RSBN1L: variants seen among roughly 807,000 people sequenced by gnomAD.
The protein encoded by RSBN1L is round spermatid basic protein 1 like, also known as lysine-specific demethylase RSBN1L.
In RSBN1L, 30 loss-of-function variants were observed where a neutral mutation model predicts 67.7. The ratio of observed to expected loss-of-function variants is 0.44; its 90% CI spans 0.33 to 0.60. The LOEUF is 0.60. Among genes scored for constraint, RSBN1L ranks in the 20% least tolerant of loss-of-function variants. The pLI is 0.02. For synonymous variants in RSBN1L, 433 were observed against 387.0 expected (o/e 1.12, Z -1.39); for missense variants, 992 against 1,031.7 (o/e 0.96, Z 0.53).
chr7:77,734,089 G>A (rs1228396809), intron 1 of RSBN1L, among the ~76,000 whole-genome samples: 2 of 152,148 alleles, frequency 1.3e-5, no homozygotes. Flanking sequence ...TCGTGCCACT[G>A]CACTCCAGCC....
chr7:77,696,815 G>T lies in RSBN1L; in HGVS notation c.346G>T (p.Ala116Ser). The T allele has an allele frequency of 6.2e-7, 1 of 1,613,632 alleles. No individual in the cohort carries two copies. Among genetic ancestry groups the T allele is most frequent in the Non-Finnish European group, 8.5e-7 (1 of 1,179,986 alleles). Reference protein sequence around the residue: ...FSAGTAVPSSASASLSQPVPR... With the variant: ...FSAGTAVPSSSSASLSQPVPR... ...CGCTGGCACGGCCGTTCCCTCCTCA[G>T]CCTCCGCTTCCTTGTCTCAGCCGGT... is the stretch of plus-strand genomic sequence containing the variant. Residue 116 changes from alanine (A) to serine (S), a missense_variant, in exon 1 of 8, where the codon GCC becomes TCC. Physicochemically the swap from Ala to Ser is moderately conservative, Grantham distance 99 (BLOSUM62 1). This residue lies in a region of RSBN1L where 575 missense variants were observed against 483.2 expected (regional missense o/e 1.19). Coordinates refer to ENST00000334955, the MANE Select transcript of RSBN1L (RefSeq NM_198467.3).
chr7:77,747,890 G>A (rs1004757553), intron 2 of RSBN1L, among the ~76,000 whole-genome samples: 7 of 151,192 alleles, frequency 4.6e-5, no homozygotes, highest in Non-Finnish European at 8.8e-5. Flanking sequence ...GAAGCATGAT[G>A]CTGGCATCTG....
intron 1 of RSBN1L, among the ~76,000 whole-genome samples, chr7:77,731,879 T>A (rs1562799761): frequency 1.3e-5 from 2 of 152,088 alleles, no homozygotes; most frequent in Non-Finnish European, 1.5e-5. Flanking sequence ...ATCCAGTTGT[T>A]CCAGTACCGT....
chr7:77,735,054 G>GAA (rs746643977), intron 1 of RSBN1L, among the ~76,000 whole-genome samples: 1 of 138,912 alleles, frequency 7.2e-6, no homozygotes, highest in African/African-American at 2.6e-5. Context: ...GTTATCACTT[G>GAA]AAAAAAAAAA....
At chr7:77,722,102 T>G (rs1195693218) in intron 1 of RSBN1L, among the ~76,000 whole-genome samples, 1 of 152,202 alleles carries the variant, frequency 6.6e-6, no homozygotes, top group African/African-American at 2.4e-5. Context: ...TGTATTTGGA[T>G]GTTGGATGAG....
intron 1 of RSBN1L, among the ~76,000 whole-genome samples, chr7:77,710,205 A>G (rs1056781015): frequency 2.0e-5 from 3 of 152,174 alleles, no homozygotes; most frequent in Admixed American, 6.6e-5. Context: ...TCTTCATGCT[A>G]TATAGTCAGA....
intron 1 of RSBN1L, among the ~76,000 whole-genome samples, chr7:77,732,744 A>G (rs1038342948): frequency 1.3e-5 from 2 of 152,224 alleles, no homozygotes; most frequent in African/African-American, 4.8e-5. Context: ...GATTATGGAT[A>G]CCAATATTAT....
chr7:77,716,770 T>A (rs144074825), intron 1 of RSBN1L, among the ~76,000 whole-genome samples: 4 of 151,662 alleles, frequency 2.6e-5, no homozygotes, highest in African/African-American at 9.7e-5. Context: ...TAGCTGGGAT[T>A]ACAGGCGTGC....
intron 1 of RSBN1L, among the ~76,000 whole-genome samples, chr7:77,721,507 A>T (rs1791119452): frequency 6.6e-6 from 1 of 152,158 alleles, no homozygotes; most frequent in South Asian, 2.1e-4. Flanking sequence ...GGATATGATC[A>T]TTTGTGATCA....
At position 77,782,304 on chromosome 7, in the gene RSBN1L, T is replaced by C. The variant is rs1449359711; in HGVS notation, c.*3136T>C. ...AAGACATCGTTTCTATATGGTCATA[T>C]ACTATATAGAATAAAGAATTGTTAT... On this transcript the variant is annotated 3_prime_UTR_variant, in exon 8 of 8. Coordinates refer to ENST00000334955, the MANE Select transcript of RSBN1L (RefSeq NM_198467.3). 6.6e-6 allele frequency: 1 copy of C among 152,226 alleles called. No individual in the cohort carries two copies. Among genetic ancestry groups the C allele is most frequent in the East Asian group, 1.9e-4 (1 of 5,204 alleles). 9.4% of individuals were successfully genotyped at this position (152,226 alleles called of 1,614,324 possible).
chr7:77,766,469 G>A (rs935012353), intron 4 of RSBN1L, among the ~76,000 whole-genome samples: 4 of 151,698 alleles, frequency 2.6e-5, no homozygotes, highest in African/African-American at 4.8e-5. Flanking sequence ...ACAGGTGTGA[G>A]CCACTGTGCC....
chr7:77,735,435 A>G (rs945849814), intron 1 of RSBN1L, among the ~76,000 whole-genome samples: 3 of 152,334 alleles, frequency 2.0e-5, no homozygotes, highest in South Asian at 4.1e-4. Flanking sequence ...TTGTTTACCA[A>G]TTCAGATTTA....
chr7:77,778,316 G>C (rs768451475), intron 6 of RSBN1L, 22 bp from the exon 7 acceptor site: 2 of 1,528,176 alleles, frequency 1.3e-6, no homozygotes, highest in Non-Finnish European at 1.8e-6. Flanking sequence ...GCAGATTCTT[G>C]TTATCTCGTT....
At chr7:77,726,307 C>T (rs1357114671) in intron 1 of RSBN1L, among the ~76,000 whole-genome samples, 1 of 152,150 alleles carries the variant, frequency 6.6e-6, no homozygotes, top group East Asian at 1.9e-4. Context: ...TACTGTATTA[C>T]ATTTAATCAT....
chr7:77,716,456 C>CG (rs1554337603), intron 1 of RSBN1L, among the ~76,000 whole-genome samples: 1 of 140,396 alleles, frequency 7.1e-6, no homozygotes, highest in Non-Finnish European at 1.5e-5. Flanking sequence ...TGTCTGGCTC[C>CG]TTTTTTTTTT....
intron 1 of RSBN1L, among the ~76,000 whole-genome samples, chr7:77,707,150 A>G (rs1325546017): frequency 6.6e-6 from 1 of 151,884 alleles, no homozygotes; most frequent in Non-Finnish European, 1.5e-5. Context: ...CAGCCACCCA[A>G]GTAGCTGGAC....
At chr7:77,763,687 G>T (rs1791725130) in intron 3 of RSBN1L, among the ~76,000 whole-genome samples, 2 of 152,170 alleles carry the variant, frequency 1.3e-5, no homozygotes, top group South Asian at 4.1e-4. Flanking sequence ...AGCCCCAGCT[G>T]TTCTTATATT....
rs1013875917 is a variant in RSBN1L at position 77,705,750 on chromosome 7, G to T, written c.586+8695G>T. ...TGGTCTTGAACTCCTGACCTCAGGT[G>T]TTCTGCCTGCCTCGGTCTCACGATT... On this transcript the variant is annotated intron_variant, in intron 1 of 7. Coordinates refer to ENST00000334955, the MANE Select transcript of RSBN1L (RefSeq NM_198467.3). Among the ~76,000 whole-genome samples the T allele has an allele frequency of 6.6e-5, 10 of 152,004 alleles. No homozygotes were observed. In the South Asian group the frequency reaches 1.0e-3, roughly 16 times the overall value.
At chr7:77,753,358 G>A (rs974482859) in intron 3 of RSBN1L, among the ~76,000 whole-genome samples, 1 of 152,108 alleles carries the variant, frequency 6.6e-6, no homozygotes, top group African/African-American at 2.4e-5. Flanking sequence ...GGTTTAATTT[G>A]TATTTCCCTG....
Sources: gnomAD v4.1 joint callset for allele counts (sites outside exome capture counted in the v4.1 genomes callset) on GRCh38, gnomAD v4.1.1 for gene constraint, gnomAD v4.1.1 regional missense constraint, MANE v1.5 for transcripts, NCBI Gene and HGNC (gene_info 2026-07-23, HGNC 2026-07-21) for gene names.